Variants in IMMP2L observed in about 807,000 individuals in gnomAD.
IMMP2L encodes the protein inner mitochondrial membrane peptidase subunit 2.
IMMP2L carries 18 observed loss-of-function variants against 19.3 expected under a neutral mutation model. The observed-to-expected ratio is 0.93, with a 90% CI of 0.64 to 1.38. IMMP2L has a LOEUF of 1.38. Among genes scored for constraint, IMMP2L ranks in the 40% most tolerant of loss-of-function variants. The pLI, the probability that IMMP2L is intolerant of heterozygous loss-of-function variation, is 0.00. For missense variants in IMMP2L, 233 were observed against 218.2 expected (o/e 1.07, Z -0.43); for synonymous variants, 76 against 73.0 (o/e 1.04, Z -0.21).
At chr7:110,984,218 C>G (rs1821616049) in intron 3 of IMMP2L, among the ~76,000 whole-genome samples, 1 of 151,328 alleles carries the variant, frequency 6.6e-6, no homozygotes, top group Non-Finnish European at 1.5e-5. Flanking sequence ...AAAAATGGGT[C>G]ACGTCAGATA....
chr7:111,240,734 A>G (rs1222046093), intron 3 of IMMP2L, among the ~76,000 whole-genome samples: 2 of 152,058 alleles, frequency 1.3e-5, no homozygotes, highest in Middle Eastern at 3.4e-3. Flanking sequence ...GACCTAATTT[A>G]TATTGGTAGT....
chr7:110,777,266 G>A (rs961316689), intron 5 of IMMP2L, among the ~76,000 whole-genome samples: 1 of 151,826 alleles, frequency 6.6e-6, no homozygotes, highest in Non-Finnish European at 1.5e-5. Flanking sequence ...GGCCACATCT[G>A]GAAAACACAG....
At chr7:111,337,927 A>C (rs764139858) in intron 3 of IMMP2L, among the ~76,000 whole-genome samples, 1 of 152,014 alleles carries the variant, frequency 6.6e-6, no homozygotes, top group East Asian at 1.9e-4. Flanking sequence ...TATGAGGTTT[A>C]CCAGAGATAC....
At chr7:111,253,024 G>A (rs1168638725) in intron 3 of IMMP2L, among the ~76,000 whole-genome samples, 2 of 151,940 alleles carry the variant, frequency 1.3e-5, no homozygotes, top group African/African-American at 2.4e-5. Flanking sequence ...TATTGCCTAC[G>A]CTTCTTCTAA....
chr7:111,282,511 TA>T (rs1209882489), intron 3 of IMMP2L, among the ~76,000 whole-genome samples: 1 of 152,044 alleles, frequency 6.6e-6, no homozygotes, highest in Non-Finnish European at 1.5e-5. Flanking sequence ...ATATTTGAAA[TA>T]AAAACTGACA....
intron 3 of IMMP2L, among the ~76,000 whole-genome samples, chr7:111,314,012 T>G (rs1008215740): frequency 1.3e-5 from 2 of 152,112 alleles, no homozygotes; most frequent in Non-Finnish European, 2.9e-5. Flanking sequence ...GCTTTTGCTG[T>G]GTGAAGTGCC....
At chr7:111,203,523 T>A (rs1810375684) in intron 3 of IMMP2L, among the ~76,000 whole-genome samples, 1 of 151,556 alleles carries the variant, frequency 6.6e-6, no homozygotes, top group Admixed American at 6.6e-5. Flanking sequence ...AGAAATAATG[T>A]TTGGGAAAGA....
At chr7:111,280,340 A>G (rs1396888906) in intron 3 of IMMP2L, among the ~76,000 whole-genome samples, 1 of 152,044 alleles carries the variant, frequency 6.6e-6, no homozygotes, top group African/African-American at 2.4e-5. Flanking sequence ...CTCACATAAC[A>G]TCTCCTCAGA....
At chr7:111,437,118 T>C (rs899914558) in intron 3 of IMMP2L, among the ~76,000 whole-genome samples, 4 of 151,866 alleles carry the variant, frequency 2.6e-5, no homozygotes, top group South Asian at 4.1e-4. Context: ...CTTATTCTTT[T>C]TTAATGAAAA....
chr7:111,390,017 A>C (rs1584918362), intron 3 of IMMP2L, among the ~76,000 whole-genome samples: 2 of 152,218 alleles, frequency 1.3e-5, no homozygotes, highest in South Asian at 4.1e-4. Context: ...AAATTGCAAA[A>C]TTTCCCTGAT....
At chr7:111,138,148 A>G (rs1200353543) in intron 3 of IMMP2L, among the ~76,000 whole-genome samples, 1 of 152,234 alleles carries the variant, frequency 6.6e-6, no homozygotes, top group African/African-American at 2.4e-5. Context: ...ACACCTTTGT[A>G]TAAACCTACT....
intron 3 of IMMP2L, among the ~76,000 whole-genome samples, chr7:111,459,700 T>G (rs1839974423): frequency 6.6e-6 from 1 of 152,154 alleles, no homozygotes; most frequent in Admixed American, 6.6e-5. Flanking sequence ...GGCAAAAGTT[T>G]CTGTTACTAT....
At chr7:111,335,402 C>T (rs928893196) in intron 3 of IMMP2L, among the ~76,000 whole-genome samples, 4 of 151,882 alleles carry the variant, frequency 2.6e-5, no homozygotes, top group African/African-American at 9.7e-5. Context: ...AGCTAAATGG[C>T]AAATGGACAG....
intron 3 of IMMP2L, among the ~76,000 whole-genome samples, chr7:111,252,316 A>C (rs751849139): frequency 2.6e-5 from 4 of 152,176 alleles, no homozygotes; most frequent in African/African-American, 4.8e-5. Flanking sequence ...GCACCCACAC[A>C]AATGTTTAAG....
intron 3 of IMMP2L, among the ~76,000 whole-genome samples, chr7:111,086,817 G>T (rs992812055): frequency 2.0e-5 from 3 of 152,194 alleles, no homozygotes; most frequent in Admixed American, 1.3e-4. Context: ...CTCAAATCAT[G>T]ACAGCAATAA....
intron 2 of IMMP2L, among the ~76,000 whole-genome samples, chr7:111,518,203 T>C (rs1408793967): frequency 6.6e-6 from 1 of 152,082 alleles, no homozygotes; most frequent in Non-Finnish European, 1.5e-5. Flanking sequence ...GTATTTCTCA[T>C]AGAGGGAATC....
intron 1 of IMMP2L, among the ~76,000 whole-genome samples, chr7:111,559,604 C>A (rs1185125317): frequency 6.6e-6 from 1 of 152,092 alleles, no homozygotes; most frequent in Non-Finnish European, 1.5e-5. Context: ...CTGTGAAAAG[C>A]AAATCCCAGG....
At chr7:110,884,403 T>C (rs937477279) in intron 5 of IMMP2L, among the ~76,000 whole-genome samples, 2 of 152,000 alleles carry the variant, frequency 1.3e-5, no homozygotes, top group African/African-American at 4.8e-5. Context: ...CCAGTAGTAA[T>C]ATGCACTGAA....
intron 3 of IMMP2L, among the ~76,000 whole-genome samples, chr7:111,075,421 C>T (rs921079312): frequency 6.6e-6 from 1 of 152,116 alleles, no homozygotes; most frequent in Non-Finnish European, 1.5e-5. Flanking sequence ...AGCCACTGCA[C>T]CCGACCTTGT....
Sources: gnomAD v4.1 joint callset for allele counts (sites outside exome capture counted in the v4.1 genomes callset) on GRCh38, gnomAD v4.1.1 for gene constraint, MANE v1.5 for transcripts, NCBI Gene and HGNC (gene_info 2026-07-23, HGNC 2026-07-21) for gene names.